Variants in SLC35F3 observed in about 807,000 individuals in gnomAD.
SLC35F3 encodes solute carrier family 35 member F3.
SLC35F3 carries 25 observed loss-of-function variants against 49.9 expected under a neutral mutation model. The ratio of observed to expected loss-of-function variants is 0.50; its 90% CI spans 0.37 to 0.70. The LOEUF is 0.70. Among genes scored for constraint, SLC35F3 ranks in the 30% least tolerant of loss-of-function variants. SLC35F3 has a pLI of 0.00. For synonymous variants in SLC35F3, 275 were observed against 265.4 expected, an observed-to-expected ratio of 1.04 and a Z score of -0.35; for missense variants, 525 against 639.8, an observed-to-expected ratio of 0.82 and a Z score of 1.94.
chr1:234,140,002 A>AATAAAATAAAATAAAATAAAATAAAAAT, intron 2 of SLC35F3, among the ~76,000 whole-genome samples: 3 of 105,364 alleles, frequency 2.8e-5, no homozygotes, highest in Admixed American at 9.0e-5. Context: ...AATAAAATAA[A>AATAAAATAAAATAAAATAAAATAAAAAT]GTAAGTGACT....
intron 2 of SLC35F3, among the ~76,000 whole-genome samples, chr1:234,156,499 A>T (rs763310009): frequency 6.6e-6 from 1 of 152,194 alleles, no homozygotes; most frequent in Non-Finnish European, 1.5e-5. Context: ...ACTGTCATGC[A>T]TTGCTGATGG....
chr1:234,300,440 A>G (rs1327295770), intron 3 of SLC35F3, among the ~76,000 whole-genome samples: 1 of 152,244 alleles, frequency 6.6e-6, no homozygotes, highest in Non-Finnish European at 1.5e-5. Context: ...CTGGTCCTCC[A>G]TAAAGGAGTA....
At chr1:234,108,876 C>T (rs1665355646) in intron 2 of SLC35F3, among the ~76,000 whole-genome samples, 1 of 148,986 alleles carries the variant, frequency 6.7e-6, no homozygotes. Flanking sequence ...AGGTATAAAT[C>T]TCCACAAGCA....
intron 2 of SLC35F3, among the ~76,000 whole-genome samples, chr1:234,051,510 A>G (rs1320398487): frequency 6.6e-6 from 1 of 152,200 alleles, no homozygotes; most frequent in Non-Finnish European, 1.5e-5. Flanking sequence ...ACTTTGCTGA[A>G]GTTGCTTATC....
At chr1:234,065,958 C>G (rs909410240) in intron 2 of SLC35F3, among the ~76,000 whole-genome samples, 2 of 152,166 alleles carry the variant, frequency 1.3e-5, no homozygotes, top group African/African-American at 4.8e-5. Context: ...CAGTGAATGA[C>G]TTGAGGGCCC....
At chr1:234,145,683 T>C (rs1170310902) in intron 2 of SLC35F3, among the ~76,000 whole-genome samples, 1 of 152,202 alleles carries the variant, frequency 6.6e-6, no homozygotes, top group Non-Finnish European at 1.5e-5. Context: ...GTATTATAAG[T>C]AATCTAGAGA....
rs73098423 is a variant in SLC35F3, at chr1:233,953,679, G to C, written c.283+47921G>C. On this transcript the variant is annotated intron_variant, in intron 2 of 7. Transcript: ENST00000366618. ...AGGAAGAAGATTTAGGAGAGAAGTGGTCACCTGCACAGATACACGCACATC... is the reference window on the plus strand; with the variant it reads ...AGGAAGAAGATTTAGGAGAGAAGTGCTCACCTGCACAGATACACGCACATC... Among the ~76,000 whole-genome samples, 490 of 142,510 alleles carry C rather than the reference G, an allele frequency of 3.4e-3. 3 individuals are homozygous for C. Among genetic ancestry groups the C allele is most frequent in the African/African-American group, 0.013 (459 of 34,758 alleles). The allele number at this position is 142,510 out of a possible 152,430, so 93.5% of individuals were successfully genotyped here.
chr1:233,981,445 C>CAGCAGAAAGAAGG (rs1294465598), intron 2 of SLC35F3, among the ~76,000 whole-genome samples: 27 of 152,200 alleles, frequency 1.8e-4, no homozygotes, highest in Non-Finnish European at 2.8e-4. Flanking sequence ...GCTTCTTTCT[C>CAGCAGAAAGAAGG]TCAGCAGAAG....
At chr1:234,137,119 C>T (rs1204822853) in intron 2 of SLC35F3, among the ~76,000 whole-genome samples, 1 of 152,144 alleles carries the variant, frequency 6.6e-6, no homozygotes, top group Admixed American at 6.5e-5. Context: ...TAACACAGGG[C>T]CATGTAACAG....
At chr1:233,977,695 C>A (rs1663113474) in intron 2 of SLC35F3, among the ~76,000 whole-genome samples, 1 of 152,214 alleles carries the variant, frequency 6.6e-6, no homozygotes, top group South Asian at 2.1e-4. Flanking sequence ...TAAATTATGG[C>A]ATCAAGTCTG....
intron 2 of SLC35F3, among the ~76,000 whole-genome samples, chr1:233,914,651 G>A (rs1254908902): frequency 6.6e-6 from 1 of 152,206 alleles, no homozygotes; most frequent in Admixed American, 6.5e-5. Context: ...TCATAAAGAA[G>A]GTCAGGAAGC....
intron 2 of SLC35F3, among the ~76,000 whole-genome samples, chr1:234,094,530 C>T (rs1021400031): frequency 6.6e-6 from 1 of 152,142 alleles, no homozygotes; most frequent in East Asian, 1.9e-4. Context: ...TTCTGTAAAT[C>T]TTTTAGTTAG....
intron 2 of SLC35F3, among the ~76,000 whole-genome samples, chr1:234,060,546 A>C (rs993453669): frequency 1.3e-5 from 2 of 152,174 alleles, no homozygotes; most frequent in Non-Finnish European, 2.9e-5. Context: ...TCCCAGGCTC[A>C]AGTGATCTTC....
chr1:234,038,806 G>A (rs1163057595), intron 2 of SLC35F3, among the ~76,000 whole-genome samples: 4 of 152,192 alleles, frequency 2.6e-5, no homozygotes, highest in African/African-American at 9.6e-5. Context: ...AAGAGATGGT[G>A]AGGAGTGGTT....
At chr1:233,969,424 C>T (rs1163474909) in intron 2 of SLC35F3, among the ~76,000 whole-genome samples, 3 of 152,108 alleles carry the variant, frequency 2.0e-5, no homozygotes, top group Non-Finnish European at 2.9e-5. Flanking sequence ...TAGCGCCTCC[C>T]ATCCTTTGCC....
At chr1:234,085,082 A>G (rs1441302762) in intron 2 of SLC35F3, among the ~76,000 whole-genome samples, 1 of 152,260 alleles carries the variant, frequency 6.6e-6, no homozygotes, top group Non-Finnish European at 1.5e-5. Flanking sequence ...TGTCTAAAAT[A>G]GGCAAATCCA....
At chr1:234,177,213 C>T (rs970029279) in intron 2 of SLC35F3, among the ~76,000 whole-genome samples, 2 of 152,216 alleles carry the variant, frequency 1.3e-5, no homozygotes, top group Non-Finnish European at 2.9e-5. Context: ...GTGACTTGCT[C>T]CTCCTTGCCT....
At position 234,309,144 on chromosome 1, in the gene SLC35F3, G is replaced by T; in HGVS notation, c.652G>T (p.Val218Leu). 6.2e-7 allele frequency: 1 copy of T among 1,614,136 alleles called. No individual in the cohort carries two copies. The highest frequency in any genetic ancestry group is 8.5e-7 in the Non-Finnish European group (1 of 1,180,020). ...TGGAGACAATGGCTTGACTTTGAAGGTGTTTTTTACCAAGGCAGCACCCTT... is the reference window on the plus strand; with the variant it reads ...TGGAGACAATGGCTTGACTTTGAAGTTGTTTTTTACCAAGGCAGCACCCTT... ...FFGDNGLTLK[V>L]FFTKAAPFGV... Residue 218 changes from valine to leucine, a missense_variant, in exon 4 of 8, where the codon GTG becomes TTG. By Grantham distance (32) the Val-to-Leu change is conservative (BLOSUM62 1). This residue lies in a region of SLC35F3 where 216 missense variants were observed against 298.1 expected (regional missense o/e 0.72). Coordinates refer to ENST00000366618, the MANE Select transcript of SLC35F3 (RefSeq NM_173508.4).
intron 2 of SLC35F3, among the ~76,000 whole-genome samples, chr1:233,945,672 T>A (rs1662502069): frequency 6.6e-6 from 1 of 152,178 alleles, no homozygotes. Flanking sequence ...GATAATTGAA[T>A]CATGGGGGCG....
Sources: gnomAD v4.1 joint callset for allele counts (sites outside exome capture counted in the v4.1 genomes callset) on GRCh38, gnomAD v4.1.1 for gene constraint, gnomAD v4.1.1 regional missense constraint, MANE v1.5 for transcripts, NCBI Gene and HGNC (gene_info 2026-07-23, HGNC 2026-07-21) for gene names.